The following TRAP1 variants were observed in gnomAD, a reference collection of about 807,000 sequenced individuals.
The protein encoded by TRAP1 is TNF receptor associated protein 1.
A neutral mutation model predicts 89.1 loss-of-function variants in TRAP1; 102 were observed. The observed-to-expected ratio is 1.15, with a 90% CI of 0.98 to 1.35. The LOEUF is 1.35. TRAP1 is among the 40% of genes most tolerant of loss of function. TRAP1 has a pLI of 0.00. For synonymous variants in TRAP1, 508 were observed against 388.0 expected (o/e 1.31, Z -3.64); for missense variants, 1,256 against 945.3 (o/e 1.33, Z -4.31).
intron 8 of TRAP1, chr16:3,674,897 G>A (rs531300138): frequency 9.2e-6 from 3 of 326,422 alleles, no homozygotes; most frequent in East Asian, 1.4e-4. Context: ...CTCCATCCAG[G>A]AGAAACGTCT....
At chr16:3,683,432 C>T (rs1042446746) in intron 4 of TRAP1, among the ~76,000 whole-genome samples, 2 of 149,676 alleles carry the variant, frequency 1.3e-5, no homozygotes, top group African/African-American at 4.9e-5. Flanking sequence ...GTTGCCCAAG[C>T]TAGAGTGCAA....
At position 3,675,401 on chromosome 16, in the gene TRAP1, G is replaced by C. The variant is rs1482894221; in HGVS notation, c.815-4C>G. On this transcript the variant is annotated splice_region_variant and splice_polypyrimidine_tract_variant and intron_variant, in intron 7 of 17. Coordinates refer to ENST00000246957, the MANE Select transcript of TRAP1 (RefSeq NM_016292.3). ...TTGCTGTACTTCGTTACCACATCTG[G>C]AAGGGACAAAAGAAAAACCACACTG... is the stretch of plus-strand genomic sequence containing the variant. The C allele has an allele frequency of 1.2e-6, 2 of 1,613,976 alleles. No individual in the cohort carries two copies.
At chr16:3,679,201 G>A (rs1292417459) in intron 5 of TRAP1, among the ~76,000 whole-genome samples, 3 of 152,168 alleles carry the variant, frequency 2.0e-5, no homozygotes, top group African/African-American at 7.2e-5. Context: ...TGAGGCAGGA[G>A]AGTTGCTTGA....
In TRAP1 at chr16:3,664,264, G is replaced by T; in HGVS notation, c.1569+10C>A. ...GCCCCCGGAGCCCGCCCCACCCACCGCTCACCCACCTCTGTGTCTTTCTTC... is the reference window on the plus strand; with the variant it reads ...GCCCCCGGAGCCCGCCCCACCCACCTCTCACCCACCTCTGTGTCTTTCTTC... On this transcript the variant is annotated intron_variant, in intron 13 of 17. Coordinates refer to ENST00000246957, the MANE Select transcript of TRAP1 (RefSeq NM_016292.3). 4 of 1,467,782 alleles carry T rather than the reference G, an allele frequency of 2.7e-6. No individual in the cohort carries two copies. Among genetic ancestry groups the T allele is most frequent in the Non-Finnish European group, 3.7e-6 (4 of 1,085,972 alleles). The allele number at this position is 1,467,782 out of a possible 1,614,324, so 90.9% of individuals were successfully genotyped here.
intron 11 of TRAP1, among the ~76,000 whole-genome samples, chr16:3,671,093 G>A (rs1174143323): frequency 1.3e-5 from 2 of 152,200 alleles, no homozygotes; most frequent in African/African-American, 4.8e-5. Flanking sequence ...TCCATGGCAT[G>A]CTGCACGTGG....
intron 3 of TRAP1, 70 bp downstream of exon 3, chr16:3,688,985 G>T: frequency 1.4e-6 from 2 of 1,416,190 alleles, no homozygotes; most frequent in Non-Finnish European, 2.0e-6. Flanking sequence ...CAATTCTCCA[G>T]AATGGCATAA....
chr16:3,692,391 C>A (rs2051226394), intron 1 of TRAP1, among the ~76,000 whole-genome samples: 1 of 151,728 alleles, frequency 6.6e-6, no homozygotes, highest in Admixed American at 6.6e-5. Flanking sequence ...CAAAAGTTAG[C>A]CGGGCATGGT....
chr16:3,692,588 A>C (rs1438525003), intron 1 of TRAP1, among the ~76,000 whole-genome samples: 2 of 141,418 alleles, frequency 1.4e-5, no homozygotes, highest in Non-Finnish European at 3.0e-5. Flanking sequence ...AAGGTACAAA[A>C]ACTTGCCTTT....
In TRAP1 at chr16:3,666,085, G is replaced by C. The variant is rs369602196; in HGVS notation, c.1269C>G (p.Ile423Met). ...KLRDVLQQRL[I>M]KFFIDQSKKD... Reference sequence around the variant, plus strand: ...TTTTACTCTGGTCAATGAAGAATTTGATCAGCCTCTGCTGTAAAACGTCCC... The same window carrying C: ...TTTTACTCTGGTCAATGAAGAATTTCATCAGCCTCTGCTGTAAAACGTCCC... Residue 423 changes from isoleucine to methionine, a missense_variant, in exon 12 of 18, where the codon ATC becomes ATG. Transcript: ENST00000246957. 1 of 1,613,844 alleles carries C rather than the reference G, an allele frequency of 6.2e-7. No individual in the cohort carries two copies. The highest frequency in any genetic ancestry group is 1.3e-5 in the African/African-American group (1 of 74,892).
chr16:3,668,392 G>A (rs1283076118), intron 11 of TRAP1, among the ~76,000 whole-genome samples: 2 of 152,262 alleles, frequency 1.3e-5, no homozygotes, highest in East Asian at 3.9e-4. Flanking sequence ...ATAAATGAAT[G>A]TATTGAGAGT....
Position 3,658,797 on chromosome 16 carries a change from TCCACCAGCAGCTGAG to T in TRAP1, c.1994_2008del (p.Ala665_Val669del), listed in dbSNP as rs749369506. 3.1e-6 allele frequency: 5 copies of T among 1,613,690 alleles called. No homozygotes were observed. The South Asian group carries it at 3.3e-5, about 11-fold the overall frequency. On this transcript the variant is annotated inframe_deletion, in exon 17 of 18. Transcript: ENST00000246957. The stretch of plus-strand genomic sequence containing the variant: ...ATCCTAAGCTGCTGCACTCACCTGA[TCCACCAGCAGCTGAG>T]CCAGGCCAGGCTCGCTTGCGCGCAG...
Position 3,703,088 on chromosome 16 carries a change from T to C in TRAP1, c.89-12103A>G, listed in dbSNP as rs1374208175. On this transcript the variant is annotated intron_variant, in intron 1 of 17. Coordinates refer to ENST00000246957, the MANE Select transcript of TRAP1 (RefSeq NM_016292.3). Reference sequence around the variant, plus strand: ...AAAAGCATTCAGTAAGATGGTAGAATACAAAAATCAACACCCGGACGTCCT... The same window carrying C: ...AAAAGCATTCAGTAAGATGGTAGAACACAAAAATCAACACCCGGACGTCCT... Among the ~76,000 whole-genome samples, 5 of 77,750 alleles carry C rather than the reference T, an allele frequency of 6.4e-5. 1 individual carries two copies. Among genetic ancestry groups the C allele is most frequent in the African/African-American group, 2.4e-4 (5 of 20,548 alleles). The allele number at this position is 77,750 out of a possible 152,430, so 51.0% of individuals were successfully genotyped here. A position where few individuals can be genotyped will look rare whatever the true frequency, so the allele number is the denominator to read the frequency against.
chr16:3,663,995 G>C (rs368865858), intron 13 of TRAP1: 2 of 372,112 alleles, frequency 5.4e-6, no homozygotes, highest in East Asian at 1.1e-4. Context: ...CCCAGGAGGC[G>C]GAAGTTGCAG....
At chr16:3,686,522 G>A (rs1300205846) in intron 3 of TRAP1, among the ~76,000 whole-genome samples, 7 of 152,144 alleles carry the variant, frequency 4.6e-5, no homozygotes, top group Non-Finnish European at 1.0e-4. Flanking sequence ...TCGCTATGTT[G>A]CCCAGGCTGG....
rs574756274 is a variant in TRAP1, at chr16:3,690,833, C to T, written c.241G>A (p.Val81Met). 3.2e-5 allele frequency: 47 copies of T among 1,486,346 alleles called. No homozygotes were observed. Among genetic ancestry groups the T allele is most frequent in the Admixed American group, 2.7e-4 (12 of 43,990 alleles). The allele number at this position is 1,486,346 out of a possible 1,614,324, so 92.1% of individuals were successfully genotyped here. A position where few individuals can be genotyped will look rare whatever the true frequency, so the allele number is the denominator to read the frequency against. Residue 81 changes from valine to methionine, a missense_variant, in exon 2 of 18, where the codon GTG becomes ATG. Transcript: ENST00000246957. ...AAGCACGAGCCAAGGCTACCCTGCA[C>T]GCTCTCTGTGCTGCTGATAATCGAG... is the stretch of plus-strand genomic sequence containing the variant. ...LHSIISSTES[V>M]QGSTSKHEFQ...
chr16:3,717,502 G>T lies in TRAP1; in HGVS notation c.7C>A (p.Arg3Ser). 7.4e-7 allele frequency: 1 copy of T among 1,350,972 alleles called. No individual in the cohort carries two copies. Among genetic ancestry groups the T allele is most frequent in the South Asian group, 1.7e-5 (1 of 57,446 alleles). 83.7% of individuals were successfully genotyped at this position (1,350,972 alleles called of 1,614,324 possible). The change falls in exon 1 of 18, where the codon CGC becomes AGC. Residue 3 changes from arginine (R) to serine (S), a missense_variant. Transcript: ENST00000246957. The stretch of plus-strand genomic sequence containing the variant: ...CACAGCAGCAGCGCCCGCAGCTCGC[G>T]CGCCATGTCGTACTCCCAGAGCGCC... MA[R>S]ELRALLLWGR...
chr16:3,694,149 T>C (rs2051255332), intron 1 of TRAP1, among the ~76,000 whole-genome samples: 1 of 152,034 alleles, frequency 6.6e-6, no homozygotes, highest in South Asian at 2.1e-4. Context: ...CCAGGCTCTG[T>C]CTCTTGTCAC....
intron 4 of TRAP1, among the ~76,000 whole-genome samples, chr16:3,685,543 A>G (rs1159545200): frequency 2.0e-5 from 3 of 151,956 alleles, no homozygotes; most frequent in Admixed American, 2.0e-4. Flanking sequence ...TTTGGATGCA[A>G]TGTCTCTCAG....
At chr16:3,658,282 T>A (rs1394775200) in intron 17 of TRAP1, 52 bp from the exon 18 acceptor site, 2 of 207,330 alleles carry the variant, frequency 9.6e-6, no homozygotes, top group Non-Finnish European at 1.4e-5. Context: ...CACCTTTTCA[T>A]TTTTTTTTTT....
Sources: gnomAD v4.1 joint callset for allele counts (sites outside exome capture counted in the v4.1 genomes callset) on GRCh38, gnomAD v4.1.1 for gene constraint, MANE v1.5 for transcripts, NCBI Gene and HGNC (gene_info 2026-07-23, HGNC 2026-07-21) for gene names.